Variants in GRIA3 observed in about 807,000 individuals in gnomAD.
GRIA3 encodes glutamate ionotropic receptor AMPA type subunit 3.
A neutral mutation model predicts 63.0 loss-of-function variants in GRIA3; 3 were observed. That is an observed-to-expected ratio of 0.05 (90% CI 0.02 to 0.12). The LOEUF (loss-of-function observed/expected upper bound fraction) is 0.12, where lower values mean the gene tolerates loss of function less well. Among genes scored for constraint, GRIA3 ranks in the 10% least tolerant of loss-of-function variants. GRIA3 has a pLI of 1.00. For synonymous variants in GRIA3, 274 were observed against 257.9 expected, an observed-to-expected ratio of 1.06 and a Z score of -0.60; for missense variants, 347 against 700.9, an observed-to-expected ratio of 0.50 and a Z score of 5.70.
At chrX:123,405,042 A>C (rs1321692228) in intron 10 of GRIA3, 128 bp downstream of exon 10, 1 of 554,258 alleles carries the variant, frequency 1.8e-6, no homozygotes, top group Non-Finnish European at 3.2e-6. Context: ...CAAGAAAAAT[A>C]TATTCTTCTA....
At chrX:123,330,510 C>T (rs893776089) in intron 4 of GRIA3, among the ~76,000 whole-genome samples, 1 of 111,938 alleles carries the variant, frequency 8.9e-6, no homozygotes, top group African/African-American at 3.2e-5. Context: ...AGTTGCAAAA[C>T]AATTAGAGAA....
chrX:123,403,219 C>A lies in GRIA3; in HGVS notation c.1185+121C>A, dbSNP rs779476330. The A allele has an allele frequency of 1.8e-3, 1,082 of 588,801 alleles. 6 individuals are homozygous for A. The highest frequency in any genetic ancestry group is 2.9e-3 in the Admixed American group (123 of 42,334). 48.5% of individuals were successfully genotyped at this position (588,801 alleles called of 1,213,427 possible). On this transcript the variant is annotated intron_variant, in intron 8 of 15. Coordinates refer to ENST00000620443, the MANE Select transcript of GRIA3 (RefSeq NM_007325.5). ...AGTAAGGATGAGTGGGAGATGGGAA[C>A]CTCCAGGATGAAGGAATAGCACACC...
intron 3 of GRIA3, among the ~76,000 whole-genome samples, chrX:123,256,258 A>G (rs2147284360): frequency 8.9e-6 from 1 of 112,121 alleles, no homozygotes; most frequent in South Asian, 3.8e-4. Flanking sequence ...TAAAAACCAC[A>G]TAGATATAGT....
intron 3 of GRIA3, among the ~76,000 whole-genome samples, chrX:123,275,879 A>G (rs2044551792): frequency 8.9e-6 from 1 of 112,218 alleles, no homozygotes; most frequent in African/African-American, 3.2e-5. Flanking sequence ...GTATCATTGT[A>G]TCTAGCTTCT....
At chrX:123,398,113 T>C (rs2045423853) in intron 6 of GRIA3, among the ~76,000 whole-genome samples, 1 of 112,064 alleles carries the variant, frequency 8.9e-6, no homozygotes, top group Non-Finnish European at 1.9e-5. Flanking sequence ...AACTCATTTA[T>C]TGCTGGCCAG....
At chrX:123,324,909 T>C (rs776535508) in intron 3 of GRIA3, among the ~76,000 whole-genome samples, 11 of 112,171 alleles carry the variant, frequency 9.8e-5, no homozygotes, top group African/African-American at 2.9e-4. Context: ...ACCTGGAATA[T>C]GCTCAAAGGG....
intron 2 of GRIA3, among the ~76,000 whole-genome samples, chrX:123,239,922 T>C (rs763643709): frequency 2.6e-4 from 29 of 112,222 alleles, no homozygotes; most frequent in Admixed American, 2.3e-3. Context: ...AGCAAGTACC[T>C]TTCTCTCACT....
intron 6 of GRIA3, among the ~76,000 whole-genome samples, chrX:123,396,575 T>G (rs1170801696): frequency 3.6e-5 from 4 of 111,571 alleles, no homozygotes; most frequent in Non-Finnish European, 5.6e-5. Context: ...TGATGAATCC[T>G]TTGTAATCAA....
chrX:123,243,242 AAG>A (rs1935034377), intron 2 of GRIA3, among the ~76,000 whole-genome samples: 3 of 112,393 alleles, frequency 2.7e-5, no homozygotes, highest in Non-Finnish European at 5.6e-5. Flanking sequence ...GCAGCAAGAA[AAG>A]TCTTTTAAAA....
At position 123,360,855 on chromosome X, in the gene GRIA3, T is replaced by TCTCACA. The variant is rs1400162768; in HGVS notation, c.750+5893_750+5894insTCACAC. ...CCTCCTCTCTCTCTCTCTCTCTCTCTCACACACACACACACACACACACAC... is the reference window on the plus strand; with the variant it reads ...CCTCCTCTCTCTCTCTCTCTCTCTCTCTCACACACACACACACACACACACACACAC... On this transcript the variant is annotated intron_variant, in intron 5 of 15. Coordinates refer to ENST00000620443, the MANE Select transcript of GRIA3 (RefSeq NM_007325.5). Among the ~76,000 whole-genome samples, 45 of 46,510 alleles carry TCTCACA rather than the reference T, an allele frequency of 9.7e-4. 1 individual carries two copies. Among genetic ancestry groups the TCTCACA allele is most frequent in the African/African-American group, 3.6e-3 (44 of 12,356 alleles). 40.4% of individuals were successfully genotyped at this position (46,510 alleles called of 115,157 possible).
intron 5 of GRIA3, among the ~76,000 whole-genome samples, chrX:123,372,849 A>T (rs1036673704): frequency 9.1e-6 from 1 of 109,612 alleles, no homozygotes; most frequent in Non-Finnish European, 1.9e-5. Context: ...CTTCTTTTCC[A>T]GTTTGGATGG....
chrX:123,288,820 G>A, intron 3 of GRIA3, among the ~76,000 whole-genome samples: 1 of 112,072 alleles, frequency 8.9e-6, no homozygotes. Context: ...CACTGTTGGT[G>A]GGAGTGCAAA....
intron 9 of GRIA3, 22 bp from the exon 10 acceptor site, chrX:123,404,686 T>C (rs2045462657): frequency 9.1e-7 from 1 of 1,097,151 alleles, no homozygotes; most frequent in Non-Finnish European, 1.3e-6. Context: ...GTAATCCTTT[T>C]ATCTTGCTTC....
intron 3 of GRIA3, among the ~76,000 whole-genome samples, chrX:123,279,462 T>C (rs917348449): frequency 8.9e-6 from 1 of 112,304 alleles, no homozygotes; most frequent in South Asian, 3.7e-4. Context: ...CATCATGTTG[T>C]ACACAATAAA....
At position 123,185,987 on chromosome X, in the gene GRIA3, G is replaced by C; in HGVS notation, c.265G>C (p.Ala89Pro). The change falls in exon 2 of 16, where the codon GCT (alanine) becomes CCT (proline). Residue 89 changes from alanine (A) to proline (P), a missense_variant. Transcript: ENST00000620443. The stretch of plus-strand genomic sequence containing the variant: ...CTCCAATAGTTTTTCCGTGACAAAT[G>C]CTTGTAAGTAGATCTGCTTTTCCTC... ...DSSNSFSVTN[A>P]FCSQFSRGVY... is the part of the protein sequence containing the mutation. 1 of 1,203,928 alleles carries C rather than the reference G, an allele frequency of 8.3e-7. No homozygotes were observed. The highest frequency in any genetic ancestry group is 1.1e-6 in the Non-Finnish European group (1 of 889,153).
At chrX:123,410,442 T>C (rs954287047) in intron 10 of GRIA3, among the ~76,000 whole-genome samples, 2 of 112,061 alleles carry the variant, frequency 1.8e-5, no homozygotes, top group African/African-American at 6.5e-5. Flanking sequence ...TGGTTGATTA[T>C]AGGTCATATT....
intron 5 of GRIA3, among the ~76,000 whole-genome samples, chrX:123,389,688 TTTGTTGTTG>T (rs200693212): frequency 1.1e-4 from 12 of 106,843 alleles, no homozygotes; most frequent in African/African-American, 3.8e-4. Context: ...TTCTTTTGTT[TTTGTTGTTG>T]TTGTTGTTGT....
At chrX:123,188,613 A>G (rs754778508) in intron 2 of GRIA3, among the ~76,000 whole-genome samples, 73 of 111,027 alleles carry the variant, frequency 6.6e-4, no homozygotes, top group African/African-American at 2.4e-3. Flanking sequence ...CCAGAAAACA[A>G]CAGATGAGTC....
chrX:123,340,323 C>T (rs763812176), intron 4 of GRIA3, among the ~76,000 whole-genome samples: 4 of 112,864 alleles, frequency 3.5e-5, no homozygotes, highest in African/African-American at 9.6e-5. Flanking sequence ...TTTCCTTTCT[C>T]ATTATCCACA....
Sources: gnomAD v4.1 joint callset for allele counts (sites outside exome capture counted in the v4.1 genomes callset) on GRCh38, gnomAD v4.1.1 for gene constraint, MANE v1.5 for transcripts, NCBI Gene and HGNC (gene_info 2026-07-23, HGNC 2026-07-21) for gene names.